The following NPAT variants were observed in gnomAD, a reference collection of about 807,000 sequenced individuals.
The protein encoded by NPAT is nuclear protein, coactivator of histone transcription, also known as protein NPAT.
A neutral mutation model predicts 130.7 loss-of-function variants in NPAT; 52 were observed. That is an observed-to-expected ratio of 0.40 (90% CI 0.32 to 0.50). The LOEUF is 0.50. Among genes scored for constraint, NPAT ranks in the 20% least tolerant of loss-of-function variants. NPAT has a pLI of 0.68. For synonymous variants in NPAT, 580 were observed against 584.8 expected (o/e 0.99, Z 0.12); for missense variants, 1,687 against 1,662.6 (o/e 1.01, Z -0.26).
intron 1 of NPAT, among the ~76,000 whole-genome samples, chr11:108,200,217 T>C (rs752112871): frequency 6.6e-6 from 1 of 152,230 alleles, no homozygotes; most frequent in Non-Finnish European, 1.5e-5. Context: ...AGCTTTGCTA[T>C]GTAAGAGACT....
chr11:108,197,152 G>T lies in NPAT; in HGVS notation c.156+150C>A. On this transcript the variant is annotated intron_variant, in intron 2 of 17. Coordinates refer to ENST00000278612, the MANE Select transcript of NPAT (RefSeq NM_002519.3). ...CATAAATTTGTAAAAAGAAAAGCTG[G>T]TCTTCTTTGGGTCTTACCAGTCATG... The T allele has an allele frequency of 4.7e-6, 3 of 634,488 alleles. No homozygotes were observed. In the East Asian group the frequency reaches 8.2e-5, roughly 17 times the overall value. 39.3% of individuals were successfully genotyped at this position (634,488 alleles called of 1,614,324 possible). A position where few individuals can be genotyped will look rare whatever the true frequency, so the allele number is the denominator to read the frequency against.
At chr11:108,191,398 G>C (rs1043061034) in intron 4 of NPAT, among the ~76,000 whole-genome samples, 4 of 152,196 alleles carry the variant, frequency 2.6e-5, no homozygotes, top group African/African-American at 9.6e-5. Context: ...ATTCGATAAA[G>C]TCACAGACAC....
At chr11:108,174,580 AAAAG>A (rs1565312310) in intron 12 of NPAT, among the ~76,000 whole-genome samples, 1 of 150,828 alleles carries the variant, frequency 6.6e-6, no homozygotes, top group East Asian at 1.9e-4. Context: ...AAAAAAAAAA[AAAAG>A]AGTATGATAT....
intron 10 of NPAT, among the ~76,000 whole-genome samples, chr11:108,178,662 C>T (rs1320196353): frequency 5.9e-5 from 9 of 151,874 alleles, no homozygotes; most frequent in Non-Finnish European, 1.0e-4. Flanking sequence ...GTTCGAGACC[C>T]GCCTGGCCAA....
rs542410783 is a variant in NPAT at position 108,209,401 on chromosome 11, T to C, written c.38-11981A>G. 6.7e-4 allele frequency among the ~76,000 whole-genome samples: 102 copies of C among 152,062 alleles called. 2 individuals are homozygous for C. In the South Asian group the frequency reaches 0.02, roughly 29 times the overall value. On this transcript the variant is annotated intron_variant, in intron 1 of 17. Transcript: ENST00000278612. ...CAGGAGAGTACCATGAGGTGAGGAA[T>C]TCAAGAGCCTGTGTCTAAAAACATC...
intron 10 of NPAT, 37 bp from the exon 11 acceptor site, chr11:108,177,127 C>A (rs368576795): frequency 1.8e-6 from 2 of 1,091,190 alleles, no homozygotes; most frequent in Non-Finnish European, 2.8e-6. Context: ...ATGATTCTAA[C>A]TGAATTTATA....
chr11:108,206,941 T>G (rs1488346328), intron 1 of NPAT, among the ~76,000 whole-genome samples: 1 of 151,528 alleles, frequency 6.6e-6, no homozygotes. Flanking sequence ...GAAGCTCCTT[T>G]CTGCAGTGCC....
At chr11:108,159,221 C>T (rs2077823112) in intron 17 of NPAT, among the ~76,000 whole-genome samples, 1 of 151,998 alleles carries the variant, frequency 6.6e-6, no homozygotes, top group South Asian at 2.1e-4. Context: ...TCAATGGCAC[C>T]TGAATGTTAG....
chr11:108,197,969 C>T (rs2134875934), intron 1 of NPAT, among the ~76,000 whole-genome samples: 1 of 152,312 alleles, frequency 6.6e-6, no homozygotes, highest in South Asian at 2.1e-4. Flanking sequence ...ACAAGAACAT[C>T]AACCTTAACT....
At position 108,177,106 on chromosome 11, in the gene NPAT, G is replaced by C; in HGVS notation, c.907-16C>G. The C allele has an allele frequency of 7.3e-7, 1 of 1,372,328 alleles. No homozygotes were observed. Among genetic ancestry groups the C allele is most frequent in the Non-Finnish European group, 1.0e-6 (1 of 961,088 alleles). 85.0% of individuals were successfully genotyped at this position (1,372,328 alleles called of 1,614,324 possible). On this transcript the variant is annotated splice_polypyrimidine_tract_variant and intron_variant, in intron 10 of 17. Transcript: ENST00000278612. ...GAATTTCACTCTGCAAGAAAGGAGT[G>C]GCGTGAAGGCATGATTCTAACTGAA...
Position 108,158,648 on chromosome 11 carries a change from T to C in NPAT, c.*294A>G, listed in dbSNP as rs1197061041. The stretch of plus-strand genomic sequence containing the variant: ...AACATTAGGTTGATTTAACCTCTAT[T>C]TCAACAAGATTTACACAGTATTTAC... On this transcript the variant is annotated 3_prime_UTR_variant, in exon 18 of 18. Coordinates refer to ENST00000278612, the MANE Select transcript of NPAT (RefSeq NM_002519.3). 1 of 269,528 alleles carries C rather than the reference T, an allele frequency of 3.7e-6. No individual in the cohort carries two copies. The highest frequency in any genetic ancestry group is 2.3e-5 in the African/African-American group (1 of 44,116). 16.7% of individuals were successfully genotyped at this position (269,528 alleles called of 1,614,324 possible).
At position 108,222,620 on chromosome 11, in the gene NPAT, T is replaced by A. The variant is rs1401009724; in HGVS notation, c.-84A>T. Reference sequence around the variant, plus strand: ...GCGACAGCTCCTGCGCCGCATCTCCTGGTTCCAGTGGCGGCACTGAACTCG... The same window carrying A: ...GCGACAGCTCCTGCGCCGCATCTCCAGGTTCCAGTGGCGGCACTGAACTCG... On this transcript the variant is annotated 5_prime_UTR_variant, in exon 1 of 18. Transcript: ENST00000278612. 1.4e-5 allele frequency: 20 copies of A among 1,446,820 alleles called. No individual in the cohort carries two copies. Among genetic ancestry groups the A allele is most frequent in the Non-Finnish European group, 1.2e-5 (12 of 1,038,454 alleles). 89.6% of individuals were successfully genotyped at this position (1,446,820 alleles called of 1,614,324 possible). A position where few individuals can be genotyped will look rare whatever the true frequency, so the allele number is the denominator to read the frequency against.
Position 108,161,133 on chromosome 11 carries a change from G to C in NPAT, c.3953C>G (p.Pro1318Arg), listed in dbSNP as rs747974878. ...GTTTTCACTTCCTGTTTCACTGGCA[G>C]GGCTGCAGGCAGGCAAGTCTGGGGT... ...PVTPDLPACSPASETGSENSV... is the reference protein window; with the variant it reads ...PVTPDLPACSRASETGSENSV... Residue 1318 changes from proline (P) to arginine (R), a missense_variant, in exon 17 of 18, where the codon CCT becomes CGT. Physicochemically the swap from Pro to Arg is moderately radical, Grantham distance 103. This residue lies in a region of NPAT where 1,379 missense variants were observed against 1,346.6 expected (regional missense o/e 1.02). Coordinates refer to ENST00000278612, the MANE Select transcript of NPAT (RefSeq NM_002519.3). 6.2e-7 allele frequency: 1 copy of C among 1,614,196 alleles called. No individual in the cohort carries two copies. Among genetic ancestry groups the C allele is most frequent in the Non-Finnish European group, 8.5e-7 (1 of 1,180,034 alleles).
rs1286267696 is a variant in NPAT at position 108,173,585 on chromosome 11, A to T, written c.1399T>A (p.Cys467Ser). The T allele has an allele frequency of 6.2e-7, 1 of 1,614,210 alleles. No homozygotes were observed. ...ATCTGATTGGTGTATAATTCAGCAC[A>T]ATGTGGATTACATTCAGCATTAGAA... The part of the protein sequence containing the change: ...GNSNAECNPH[C>S]AELYTNQMST... Residue 467 changes from cysteine (C) to serine (S), a missense_variant, in exon 13 of 18, where the codon TGT becomes AGT. This residue lies in a region of NPAT where 1,379 missense variants were observed against 1,346.6 expected (regional missense o/e 1.02). Coordinates refer to ENST00000278612, the MANE Select transcript of NPAT (RefSeq NM_002519.3).
intron 2 of NPAT, among the ~76,000 whole-genome samples, chr11:108,194,652 T>A (rs2078203156): frequency 1.3e-5 from 2 of 152,162 alleles, no homozygotes; most frequent in African/African-American, 4.8e-5. Context: ...GTTTTTAAAA[T>A]TTATTTTTAT....
chr11:108,209,462 T>C lies in NPAT; in HGVS notation c.38-12042A>G, dbSNP rs138592276. Among the ~76,000 whole-genome samples, 21 of 152,120 alleles carry C rather than the reference T, an allele frequency of 1.4e-4. No homozygotes were observed. The East Asian group carries it at 2.7e-3, about 20-fold the overall frequency. ...AGGTAGGTGTGCTGGCACGTGCCTG[T>C]AGTCCCAGTAGTTCAGGAGTTCAAG... On this transcript the variant is annotated intron_variant, in intron 1 of 17. Transcript: ENST00000278612.
intron 6 of NPAT, 87 bp downstream of exon 6, chr11:108,189,019 C>A: frequency 9.6e-7 from 1 of 1,041,476 alleles, no homozygotes. Flanking sequence ...CATAATTTTA[C>A]ACTATGAGTA....
At chr11:108,175,174 A>G (rs1310976709) in intron 12 of NPAT, among the ~76,000 whole-genome samples, 3 of 152,200 alleles carry the variant, frequency 2.0e-5, no homozygotes, top group African/African-American at 7.2e-5. Context: ...TTATTACAGT[A>G]TATTGTTATA....
intron 15 of NPAT, among the ~76,000 whole-genome samples, chr11:108,165,125 G>A (rs1385574955): frequency 6.6e-6 from 1 of 152,162 alleles, no homozygotes; most frequent in Non-Finnish European, 1.5e-5. Context: ...AAAATGTAGG[G>A]AGAGAAGTCT....
Sources: allele counts gnomAD v4.1 joint callset (sites outside exome capture counted in the v4.1 genomes callset), GRCh38; gene constraint gnomAD v4.1.1; regional missense constraint gnomAD v4.1.1; transcripts MANE v1.5; gene names NCBI Gene and HGNC (gene_info 2026-07-23, HGNC 2026-07-21).